CRPPA: variants seen among roughly 807,000 people sequenced by gnomAD.
CRPPA encodes CDP-L-ribitol pyrophosphorylase A, also known as D-ribitol-5-phosphate cytidylyltransferase.
A neutral mutation model predicts 52.0 loss-of-function variants in CRPPA; 43 were observed. The observed-to-expected ratio is 0.83, with a 90% confidence interval of 0.65 to 1.07. The LOEUF (loss-of-function observed/expected upper bound fraction) is 1.07. Among genes scored for constraint, CRPPA ranks in the 50% least tolerant of loss-of-function variants. CRPPA has a pLI of 0.00. For synonymous variants in CRPPA, 250 were observed against 203.5 expected (o/e 1.23, Z -1.94); for missense variants, 629 against 551.7 (o/e 1.14, Z -1.40).
intron 3 of CRPPA, among the ~76,000 whole-genome samples, chr7:16,330,572 G>C (rs1462411241): frequency 6.6e-6 from 1 of 152,080 alleles, no homozygotes; most frequent in Non-Finnish European, 1.5e-5. Context: ...CAAATTCCTA[G>C]AGACCTAGTG....
intron 3 of CRPPA, among the ~76,000 whole-genome samples, chr7:16,322,754 G>A (rs938785953): frequency 6.6e-6 from 1 of 152,066 alleles, no homozygotes; most frequent in Non-Finnish European, 1.5e-5. Context: ...TTCCACAACC[G>A]TATATTGGGT....
At chr7:16,096,833 G>A (rs961267170) in intron 9 of CRPPA, among the ~76,000 whole-genome samples, 2 of 152,130 alleles carry the variant, frequency 1.3e-5, no homozygotes, top group South Asian at 2.1e-4. Context: ...TCAGTAGTCC[G>A]CTTTCTTAAC....
At chr7:16,381,414 T>C (rs1359418166) in intron 2 of CRPPA, among the ~76,000 whole-genome samples, 1 of 152,042 alleles carries the variant, frequency 6.6e-6, no homozygotes, top group Non-Finnish European at 1.5e-5. Flanking sequence ...CTTCCAACTA[T>C]GTGGTCAATT....
intron 2 of CRPPA, among the ~76,000 whole-genome samples, chr7:16,399,701 T>A (rs538683269): frequency 1.9e-4 from 29 of 152,034 alleles, no homozygotes; most frequent in African/African-American, 6.8e-4. Context: ...GAGCAACACG[T>A]GACCAACATG....
chr7:16,105,406 G>C (rs1229862195), intron 9 of CRPPA, among the ~76,000 whole-genome samples: 2 of 152,202 alleles, frequency 1.3e-5, no homozygotes, highest in African/African-American at 4.8e-5. Context: ...CAGTTTCTAT[G>C]AGTTGATGGC....
intron 3 of CRPPA, among the ~76,000 whole-genome samples, chr7:16,330,110 T>C (rs1785513163): frequency 6.6e-6 from 1 of 152,212 alleles, no homozygotes; most frequent in South Asian, 2.1e-4. Context: ...ATTCATTACA[T>C]AGCACACACG....
intron 8 of CRPPA, among the ~76,000 whole-genome samples, chr7:16,245,422 G>T (rs1783242284): frequency 6.6e-6 from 1 of 152,186 alleles, no homozygotes; most frequent in East Asian, 1.9e-4. Flanking sequence ...TGGTGAAGGT[G>T]GTATCAGAAG....
intron 8 of CRPPA, among the ~76,000 whole-genome samples, chr7:16,239,654 C>A (rs984727736): frequency 6.7e-6 from 1 of 148,748 alleles, no homozygotes; most frequent in Non-Finnish European, 1.5e-5. Flanking sequence ...AAATTTCTTA[C>A]CTAGGGCTAC....
intron 9 of CRPPA, among the ~76,000 whole-genome samples, chr7:16,212,732 T>C (rs1782183768): frequency 6.6e-6 from 1 of 152,152 alleles, no homozygotes; most frequent in South Asian, 2.1e-4. Context: ...AACATAGGCT[T>C]TAATGTGGAA....
intron 8 of CRPPA, among the ~76,000 whole-genome samples, chr7:16,255,687 C>A (rs181043657): frequency 6.6e-6 from 1 of 151,910 alleles, no homozygotes; most frequent in Non-Finnish European, 1.5e-5. Context: ...AAACAAGCAA[C>A]GAGGAAAGGA....
At chr7:16,143,651 T>C (rs1050993169) in intron 9 of CRPPA, among the ~76,000 whole-genome samples, 1 of 152,206 alleles carries the variant, frequency 6.6e-6, no homozygotes, top group Non-Finnish European at 1.5e-5. Context: ...TATAAAGCAC[T>C]AGTGTACCAA....
At chr7:16,164,009 T>C (rs1169821711) in intron 9 of CRPPA, among the ~76,000 whole-genome samples, 1 of 152,072 alleles carries the variant, frequency 6.6e-6, no homozygotes, top group Non-Finnish European at 1.5e-5. Context: ...TCTTCTAGAG[T>C]ATCTTTATGG....
intron 9 of CRPPA, among the ~76,000 whole-genome samples, chr7:16,103,951 A>G (rs562864877): frequency 6.6e-6 from 1 of 152,304 alleles, no homozygotes; most frequent in East Asian, 1.9e-4. Flanking sequence ...AATGCAAAAA[A>G]AAGAATAAAA....
At chr7:16,353,125 C>T (rs1222643847) in intron 3 of CRPPA, among the ~76,000 whole-genome samples, 1 of 151,734 alleles carries the variant, frequency 6.6e-6, no homozygotes, top group Non-Finnish European at 1.5e-5. Flanking sequence ...GAAGGCCAAG[C>T]AGAGAGAATT....
chr7:16,412,965 C>A (rs972673512), intron 1 of CRPPA, among the ~76,000 whole-genome samples: 1 of 152,144 alleles, frequency 6.6e-6, no homozygotes. Context: ...GGGAACAGAA[C>A]ATTTTAACAA....
At chr7:16,132,180 G>T (rs1402382731) in intron 9 of CRPPA, among the ~76,000 whole-genome samples, 1 of 128,106 alleles carries the variant, frequency 7.8e-6, no homozygotes, top group Admixed American at 7.7e-5. Context: ...TGAACTAATG[G>T]CATTTGCCTT....
intron 6 of CRPPA, among the ~76,000 whole-genome samples, chr7:16,275,748 C>T (rs868587562): frequency 1.3e-5 from 2 of 151,948 alleles, no homozygotes; most frequent in Admixed American, 6.6e-5. Flanking sequence ...GGGAGGATCG[C>T]TTGAGCCCAG....
Position 16,090,664 on chromosome 7 carries a change from A to C in CRPPA, c.*1031T>G, listed in dbSNP as rs1781819168. 1 of 152,042 alleles carries C rather than the reference A, an allele frequency of 6.6e-6. No homozygotes were observed. The highest frequency in any genetic ancestry group is 2.4e-5 in the African/African-American group (1 of 41,388). The allele number at this position is 152,042 out of a possible 1,614,324, so 9.4% of individuals were successfully genotyped here. ...CTTAAACCCAGGAGGCAGAGGTTGC[A>C]GTCAGCTGAGATTGTGCCACTGCAC... is the stretch of plus-strand genomic sequence containing the variant. On this transcript the variant is annotated 3_prime_UTR_variant, in exon 10 of 10. Transcript: ENST00000407010.
intron 2 of CRPPA, among the ~76,000 whole-genome samples, chr7:16,404,345 T>C (rs1787898392): frequency 6.6e-6 from 1 of 152,156 alleles, no homozygotes; most frequent in Non-Finnish European, 1.5e-5. Context: ...AGAAACAATC[T>C]AATAGGAACT....
Sources: allele counts gnomAD v4.1 joint callset (sites outside exome capture counted in the v4.1 genomes callset), GRCh38; gene constraint gnomAD v4.1.1; transcripts MANE v1.5; gene names NCBI Gene and HGNC (gene_info 2026-07-23, HGNC 2026-07-21).